The following ADK variants were observed in gnomAD, a reference collection of about 807,000 sequenced individuals.
ADK encodes adenosine kinase, also known as N6,N6-dimethyladenosine kinase.
A neutral mutation model predicts 44.7 loss-of-function variants in ADK; 24 were observed. That is an observed-to-expected ratio of 0.54 (90% CI 0.39 to 0.76). ADK has a LOEUF of 0.76. ADK is among the 30% of genes least tolerant of loss of function. ADK has a pLI of 0.00. For missense variants in ADK, 321 were observed against 425.1 expected (o/e 0.76, Z 2.15); for synonymous variants, 128 against 142.6 (o/e 0.90, Z 0.73).
chr10:74,671,933 C>A (rs2134202254), intron 10 of ADK, among the ~76,000 whole-genome samples: 1 of 152,304 alleles, frequency 6.6e-6, no homozygotes, highest in East Asian at 1.9e-4. Flanking sequence ...AGACACCTAA[C>A]TATCTGTAAT....
At chr10:74,592,320 T>C (rs945744542) in intron 8 of ADK, among the ~76,000 whole-genome samples, 11 of 152,134 alleles carry the variant, frequency 7.2e-5, no homozygotes, top group Non-Finnish European at 1.2e-4. Flanking sequence ...TAGCTTTTCT[T>C]GAGCCGAACT....
intron 6 of ADK, among the ~76,000 whole-genome samples, chr10:74,490,578 T>C (rs1193117609): frequency 6.6e-6 from 1 of 152,144 alleles, no homozygotes; most frequent in Admixed American, 6.6e-5. Context: ...TTACTAGTTA[T>C]GGTTATTTCC....
At chr10:74,419,766 C>T (rs1394050981) in intron 6 of ADK, among the ~76,000 whole-genome samples, 2 of 152,100 alleles carry the variant, frequency 1.3e-5, no homozygotes, top group Non-Finnish European at 2.9e-5. Flanking sequence ...ATCGTTATTA[C>T]ATTGAAGACC....
intron 3 of ADK, among the ~76,000 whole-genome samples, chr10:74,299,230 A>C (rs1437956322): frequency 6.6e-6 from 1 of 152,004 alleles, no homozygotes; most frequent in Admixed American, 6.6e-5. Context: ...ACAGTGGCTC[A>C]AGCCTGTAAT....
chr10:74,493,381 G>A (rs1315779715), intron 6 of ADK, among the ~76,000 whole-genome samples: 1 of 149,170 alleles, frequency 6.7e-6, no homozygotes, highest in Non-Finnish European at 1.5e-5. Context: ...ACATATATAT[G>A]TATATCCACA....
chr10:74,243,260 G>C (rs1163543118), intron 3 of ADK, among the ~76,000 whole-genome samples: 1 of 152,204 alleles, frequency 6.6e-6, no homozygotes, highest in African/African-American at 2.4e-5. Context: ...TCCTGGAGCA[G>C]CCGGCCAGGT....
At chr10:74,199,691 T>A (rs954681705) in intron 1 of ADK, among the ~76,000 whole-genome samples, 7 of 152,162 alleles carry the variant, frequency 4.6e-5, no homozygotes, top group African/African-American at 1.4e-4. Context: ...TCATTTTTTT[T>A]ATTTTTTAGG....
At chr10:74,585,966 C>G (rs1851513104) in intron 7 of ADK, among the ~76,000 whole-genome samples, 1 of 152,156 alleles carries the variant, frequency 6.6e-6, no homozygotes, top group Non-Finnish European at 1.5e-5. Flanking sequence ...GCTCTTCTGC[C>G]CACCAACTAT....
At chr10:74,700,848 A>T (rs1856395216) in intron 10 of ADK, among the ~76,000 whole-genome samples, 1 of 152,190 alleles carries the variant, frequency 6.6e-6, no homozygotes, top group African/African-American at 2.4e-5. Context: ...TTTAAATATT[A>T]AATCAATAAG....
intron 2 of ADK, among the ~76,000 whole-genome samples, chr10:74,222,798 G>C (rs919991998): frequency 6.7e-6 from 1 of 149,192 alleles, no homozygotes; most frequent in African/African-American, 2.5e-5. Flanking sequence ...ACTCATAGGT[G>C]GGAATTGAAC....
chr10:74,456,165 A>C (rs536837912), intron 6 of ADK, among the ~76,000 whole-genome samples: 12 of 152,192 alleles, frequency 7.9e-5, no homozygotes, highest in Non-Finnish European at 1.5e-4. Context: ...TCAGGACTTG[A>C]ACTCAGCTCT....
chr10:74,184,211 C>T (rs1164750015), intron 1 of ADK, among the ~76,000 whole-genome samples: 1 of 152,180 alleles, frequency 6.6e-6, no homozygotes, highest in Admixed American at 6.5e-5. Flanking sequence ...AGCCACTGTG[C>T]CCGGCAGAGA....
At chr10:74,253,674 G>A (rs114573438) in intron 3 of ADK, among the ~76,000 whole-genome samples, 1,939 of 151,462 alleles carry the variant, frequency 0.013, 49 homozygotes, top group African/African-American at 0.045. Context: ...TGTGGTTTTC[G>A]TAAATTTGAT....
intron 7 of ADK, among the ~76,000 whole-genome samples, chr10:74,543,340 G>A (rs933097246): frequency 6.6e-6 from 1 of 152,076 alleles, no homozygotes; most frequent in Non-Finnish European, 1.5e-5. Context: ...CAGACATCCA[G>A]CCACAATAAT....
intron 6 of ADK, among the ~76,000 whole-genome samples, chr10:74,444,092 C>T (rs10762615): frequency 0.61 from 92,019 of 151,872 alleles, 30,268 homozygotes; most frequent in Middle Eastern, 0.78. Context: ...AACTGGCCTA[C>T]CTGTTCAGAG....
intron 1 of ADK, among the ~76,000 whole-genome samples, chr10:74,194,055 C>A (rs905476362): frequency 6.6e-6 from 1 of 152,016 alleles, no homozygotes; most frequent in Non-Finnish European, 1.5e-5. Flanking sequence ...TACCAGGAGC[C>A]ATTTTCTACA....
At chr10:74,636,608 T>C (rs1037329585) in intron 9 of ADK, among the ~76,000 whole-genome samples, 1 of 152,244 alleles carries the variant, frequency 6.6e-6, no homozygotes, top group African/African-American at 2.4e-5. Context: ...TAAAGGACTG[T>C]ATATATTTTT....
chr10:74,606,245 CTCTGCTCTGATCTTAGTTATT>C (rs1852320588), intron 9 of ADK, among the ~76,000 whole-genome samples: 1 of 152,018 alleles, frequency 6.6e-6, no homozygotes, highest in Non-Finnish European at 1.5e-5. Context: ...ACTCCTTCAC[CTCTGCTCTGATCTTAGTTATT>C]TCTTGCCTTC....
chr10:74,171,903 A>T (rs945989698), intron 1 of ADK, among the ~76,000 whole-genome samples: 2 of 151,704 alleles, frequency 1.3e-5, no homozygotes, highest in East Asian at 3.9e-4. Flanking sequence ...TGGGGAAGGG[A>T]AGTTGCTGTG....
Sources: allele counts gnomAD v4.1 joint callset (sites outside exome capture counted in the v4.1 genomes callset), GRCh38; gene constraint gnomAD v4.1.1; transcripts MANE v1.5; gene names NCBI Gene and HGNC (gene_info 2026-07-23, HGNC 2026-07-21).